The following ENTREP2 variants were observed in gnomAD, a reference collection of about 807,000 sequenced individuals.
ENTREP2 encodes the protein protein ENTREP2.
chr15:29,571,241 C>G, the ENTREP2 span, among the ~76,000 whole-genome samples: 13 of 152,048 alleles, frequency 8.5e-5, no homozygotes, highest in Non-Finnish European at 1.6e-4. Context: ...AGAGCGGGGG[C>G]GGCAGCGCAT....
the ENTREP2 span, among the ~76,000 whole-genome samples, chr15:29,169,697 A>G: frequency 1.3e-5 from 2 of 152,210 alleles, no homozygotes. Context: ...TGACAATCTC[A>G]ATAGATGCAA....
the ENTREP2 span, among the ~76,000 whole-genome samples, chr15:29,133,365 G>A: frequency 2.0e-5 from 3 of 152,202 alleles, no homozygotes; most frequent in Admixed American, 2.0e-4. Context: ...TACTGACTCA[G>A]GAGCCCTGGG....
the ENTREP2 span, among the ~76,000 whole-genome samples, chr15:29,119,183 A>C: frequency 6.6e-6 from 1 of 152,246 alleles, no homozygotes; most frequent in African/African-American, 2.4e-5. Flanking sequence ...TACATGGTAG[A>C]GGCAAAGAAA....
At chr15:29,196,325 C>A in the ENTREP2 span, 49 of 1,290,044 alleles carry the variant, frequency 3.8e-5, no homozygotes, top group Non-Finnish European at 8.6e-6. Flanking sequence ...GAACCTACCC[C>A]GGGAAGTTAA....
the ENTREP2 span, among the ~76,000 whole-genome samples, chr15:29,196,869 T>G: frequency 6.6e-6 from 1 of 152,228 alleles, no homozygotes; most frequent in Middle Eastern, 3.2e-3. Flanking sequence ...TGAAAGTCAC[T>G]CATGCTGATG....
the ENTREP2 span, among the ~76,000 whole-genome samples, chr15:29,469,007 C>G: frequency 6.6e-6 from 1 of 152,116 alleles, no homozygotes. Flanking sequence ...GCCTTTCTTC[C>G]CTAGGGCTCC....
the ENTREP2 span, among the ~76,000 whole-genome samples, chr15:29,414,503 T>C: frequency 6.6e-6 from 1 of 151,878 alleles, no homozygotes; most frequent in African/African-American, 2.4e-5. Flanking sequence ...CAAAGCAGTG[T>C]GTAGAGGGAA....
chr15:29,434,658 G>A, the ENTREP2 span, among the ~76,000 whole-genome samples: 1 of 152,076 alleles, frequency 6.6e-6, no homozygotes, highest in African/African-American at 2.4e-5. Context: ...TACATACATA[G>A]AGCACACATG....
chr15:29,479,666 T>TAC, the ENTREP2 span, among the ~76,000 whole-genome samples: 2 of 131,618 alleles, frequency 1.5e-5, no homozygotes, highest in Admixed American at 7.6e-5. Context: ...CACACACACA[T>TAC]ACACACACAC....
the ENTREP2 span, among the ~76,000 whole-genome samples, chr15:29,554,645 A>T: frequency 6.6e-6 from 1 of 152,300 alleles, no homozygotes; most frequent in African/African-American, 2.4e-5. Flanking sequence ...AGTGTGCTGA[A>T]GGAAAATAAA....
the ENTREP2 span, among the ~76,000 whole-genome samples, chr15:29,464,541 G>A: frequency 1.3e-5 from 2 of 152,224 alleles, no homozygotes; most frequent in African/African-American, 2.4e-5. Context: ...GACTATCAGA[G>A]CAGAAGGCTC....
the ENTREP2 span, chr15:29,122,995 C>T: frequency 2.4e-5 from 5 of 206,826 alleles, no homozygotes; most frequent in Admixed American, 5.5e-5. Context: ...CTTTAGGTGA[C>T]GTAAGTGTCG....
the ENTREP2 span, among the ~76,000 whole-genome samples, chr15:29,170,291 G>A: frequency 1.0e-4 from 12 of 114,520 alleles, 1 homozygote; most frequent in East Asian, 3.1e-3. Flanking sequence ...CTGGGTGACA[G>A]AGCGAGACTC....
chr15:29,623,741 T>TG, the ENTREP2 span, among the ~76,000 whole-genome samples: 1 of 152,092 alleles, frequency 6.6e-6, no homozygotes, highest in Admixed American at 6.6e-5. Context: ...ACTACTGGGT[T>TG]GGGGCACATG....
At chr15:29,630,656 A>AT in the ENTREP2 span, among the ~76,000 whole-genome samples, 2 of 151,812 alleles carry the variant, frequency 1.3e-5, 1 homozygote, top group South Asian at 4.2e-4. Flanking sequence ...GACTTTGTTC[A>AT]TTTTTTTCCC....
the ENTREP2 span, among the ~76,000 whole-genome samples, chr15:29,447,640 C>A: frequency 6.8e-6 from 1 of 147,342 alleles, no homozygotes; most frequent in Admixed American, 7.0e-5. Flanking sequence ...GTGCATGCCA[C>A]CAGACCTGGC....
chr15:29,421,337 G>A, the ENTREP2 span, among the ~76,000 whole-genome samples: 3 of 152,230 alleles, frequency 2.0e-5, no homozygotes, highest in Non-Finnish European at 4.4e-5. Flanking sequence ...CCACTCTGGA[G>A]GATGAGGAAG....
the ENTREP2 span, among the ~76,000 whole-genome samples, chr15:29,566,580 C>T: frequency 6.6e-6 from 1 of 152,092 alleles, no homozygotes; most frequent in Non-Finnish European, 1.5e-5. Flanking sequence ...CCTCAGCCTC[C>T]CAAGTACCTG....
the ENTREP2 span, among the ~76,000 whole-genome samples, chr15:29,642,046 G>T: frequency 6.6e-6 from 1 of 151,938 alleles, no homozygotes; most frequent in Non-Finnish European, 1.5e-5. Context: ...ATGTTAACAT[G>T]GCAATATTAC....
Sources: allele counts gnomAD v4.1 joint callset (sites outside exome capture counted in the v4.1 genomes callset), GRCh38; gene constraint gnomAD v4.1.1; transcripts MANE v1.5; gene names NCBI Gene and HGNC (gene_info 2026-07-23, HGNC 2026-07-21).